MYO3B: variants seen among roughly 807,000 people sequenced by gnomAD.
The protein encoded by MYO3B is myosin-IIIb.
Under a neutral mutation model 174.6 loss-of-function variants are expected in MYO3B, and 156 were observed. The observed-to-expected ratio is 0.89, with a 90% CI of 0.78 to 1.02. The LOEUF (loss-of-function observed/expected upper bound fraction) is 1.02. Ranked by LOEUF, MYO3B falls within the 50% of genes least tolerant of loss-of-function variation. The probability of loss-of-function intolerance (pLI) is 0.00; values close to 1 mark genes in which losing one functional copy is unlikely to be tolerated. For synonymous variants in MYO3B, 563 were observed against 569.1 expected, an observed-to-expected ratio of 0.99 and a Z score of 0.15; for missense variants, 1,632 against 1,639.4, an observed-to-expected ratio of 1.00 and a Z score of 0.08.
intron 28 of MYO3B, among the ~76,000 whole-genome samples, chr2:170,507,672 C>T (rs1164518644): frequency 6.6e-6 from 1 of 152,158 alleles, no homozygotes; most frequent in Non-Finnish European, 1.5e-5. Context: ...GGATTACAGG[C>T]GTGAGCTACT....
At chr2:170,221,496 C>T (rs1472375200) in intron 6 of MYO3B, among the ~76,000 whole-genome samples, 2 of 152,058 alleles carry the variant, frequency 1.3e-5, no homozygotes, top group Non-Finnish European at 2.9e-5. Flanking sequence ...TTCACTGGGG[C>T]ACCTCAAAGC....
At chr2:170,607,278 A>T (rs1431785115) in intron 32 of MYO3B, among the ~76,000 whole-genome samples, 2 of 152,230 alleles carry the variant, frequency 1.3e-5, no homozygotes, top group East Asian at 3.9e-4. Context: ...GATAGATTAG[A>T]TTATGATGCA....
intron 3 of MYO3B, among the ~76,000 whole-genome samples, chr2:170,202,080 A>C (rs1416469617): frequency 2.6e-5 from 4 of 152,272 alleles, no homozygotes; most frequent in African/African-American, 9.6e-5. Context: ...AGTGACCCTC[A>C]GACATGGCAA....
At chr2:170,507,875 C>T (rs543946808) in intron 28 of MYO3B, among the ~76,000 whole-genome samples, 2 of 152,138 alleles carry the variant, frequency 1.3e-5, no homozygotes, top group Non-Finnish European at 2.9e-5. Context: ...ATGAGCTCTG[C>T]CAAATCTCTC....
intron 25 of MYO3B, among the ~76,000 whole-genome samples, chr2:170,473,407 A>G (rs1015776734): frequency 6.6e-6 from 1 of 151,828 alleles, no homozygotes; most frequent in Admixed American, 6.6e-5. Flanking sequence ...CGGCCTCCCA[A>G]AGTACTGGGA....
chr2:170,578,100 A>G (rs543560519), intron 32 of MYO3B, among the ~76,000 whole-genome samples: 1 of 152,222 alleles, frequency 6.6e-6, no homozygotes, highest in African/African-American at 2.4e-5. Flanking sequence ...ATACCTGCTT[A>G]TGTTTGGCTG....
rs554635047 is a variant in MYO3B, at chr2:170,208,538, A to G, written c.322-5841A>G. On this transcript the variant is annotated intron_variant, in intron 3 of 34. Coordinates refer to ENST00000408978, the MANE Select transcript of MYO3B (RefSeq NM_138995.5). ...TTGCTCAGAACTAGAATTTTGATCC[A>G]GGTTTTTACATCACCTATCCCTTTT... Among the ~76,000 whole-genome samples, 122 of 152,328 alleles carry G rather than the reference A, an allele frequency of 8.0e-4. 2 individuals are homozygous for G. Among genetic ancestry groups the G allele is most frequent in the Non-Finnish European group, 1.5e-3 (103 of 68,038 alleles).
At chr2:170,375,939 GTCTA>G (rs1244960785) in intron 9 of MYO3B, among the ~76,000 whole-genome samples, 2 of 152,042 alleles carry the variant, frequency 1.3e-5, no homozygotes, top group Non-Finnish European at 2.9e-5. Context: ...ACCTATATCT[GTCTA>G]TCTACAAATG....
intron 32 of MYO3B, chr2:170,646,883 C>A: frequency 7.5e-7 from 1 of 1,338,276 alleles, no homozygotes; most frequent in South Asian, 1.2e-5. Flanking sequence ...CGTTTTCTAA[C>A]TATATTTCTC....
At chr2:170,388,749 A>C (rs1399545642) in intron 14 of MYO3B, among the ~76,000 whole-genome samples, 3 of 152,186 alleles carry the variant, frequency 2.0e-5, no homozygotes, top group Non-Finnish European at 4.4e-5. Flanking sequence ...AGATGGAGAG[A>C]AGATGAGGAG....
intron 32 of MYO3B, among the ~76,000 whole-genome samples, chr2:170,642,502 C>T (rs1698056061): frequency 1.3e-5 from 2 of 152,138 alleles, no homozygotes; most frequent in East Asian, 1.9e-4. Context: ...GAAAATCTCT[C>T]TTTCTGGTTG....
chr2:170,244,208 TA>T (rs1322231982), intron 7 of MYO3B, among the ~76,000 whole-genome samples: 1 of 152,156 alleles, frequency 6.6e-6, no homozygotes, highest in Non-Finnish European at 1.5e-5. Context: ...TTAGCCCCCT[TA>T]GTAGGTTCAA....
chr2:170,426,480 C>T (rs2094662692), intron 22 of MYO3B, among the ~76,000 whole-genome samples: 2 of 151,494 alleles, frequency 1.3e-5, no homozygotes, highest in South Asian at 2.1e-4. Flanking sequence ...GGACTACAGG[C>T]ACCCACCACC....
chr2:170,648,802 C>T (rs114707178), intron 32 of MYO3B, among the ~76,000 whole-genome samples: 41,590 of 101,608 alleles, frequency 0.41, 9,482 homozygotes, highest in African/African-American at 0.65. Flanking sequence ...CTATATAATA[C>T]ATATTATATA....
At chr2:170,651,547 G>T in intron 32 of MYO3B, 81 bp from the exon 33 acceptor site, 1 of 1,043,024 alleles carries the variant, frequency 9.6e-7, no homozygotes, top group South Asian at 1.3e-5. Flanking sequence ...TCTACTAAGT[G>T]CATTTATGTG....
chr2:170,178,508 T>G lies in MYO3B; in HGVS notation c.2+219T>G, dbSNP rs75390945. ...TTAAATTTCTCTTGAAGGAGTAGGA[T>G]AAACACCCTCTTGAGTATTGCTTTT... On this transcript the variant is annotated intron_variant, in intron 1 of 34. Transcript: ENST00000408978. Among the ~76,000 whole-genome samples, 468 of 151,518 alleles carry G rather than the reference T, an allele frequency of 3.1e-3. 2 individuals are homozygous for G. The highest frequency in any genetic ancestry group is 0.01 in the African/African-American group (430 of 41,240).
At chr2:170,583,458 T>G (rs1575200190) in intron 32 of MYO3B, among the ~76,000 whole-genome samples, 1 of 151,856 alleles carries the variant, frequency 6.6e-6, no homozygotes, top group Admixed American at 6.6e-5. Context: ...ACGAGCTTGG[T>G]TTTTTTTGAA....
intron 28 of MYO3B, among the ~76,000 whole-genome samples, chr2:170,510,783 C>T (rs556342400): frequency 3.9e-5 from 6 of 152,158 alleles, no homozygotes; most frequent in African/African-American, 1.4e-4. Context: ...ATAGTCTTAC[C>T]TCTTCCAGAG....
chr2:170,401,602 A>G lies in MYO3B; in HGVS notation c.2040A>G (p.Arg680=), dbSNP rs2094476382. ...ANTVDRAADV[R]DAMSKALYGR... is the part of the protein sequence containing the mutation. ...CTGTAGACAGGGCTGCGGACGTTCG[A>G]GACGCCATGTCCAAAGCCCTGTATG... The change falls in exon 18 of 35, where the codon CGA becomes CGG. Residue 680 remains arginine, a synonymous_variant. Transcript: ENST00000408978. 1 of 1,613,976 alleles carries G rather than the reference A, an allele frequency of 6.2e-7. No individual in the cohort carries two copies. Among genetic ancestry groups the G allele is most frequent in the Admixed American group, 1.7e-5 (1 of 59,998 alleles).
Sources: allele counts gnomAD v4.1 joint callset (sites outside exome capture counted in the v4.1 genomes callset), GRCh38; gene constraint gnomAD v4.1.1; transcripts MANE v1.5; gene names NCBI Gene and HGNC (gene_info 2026-07-23, HGNC 2026-07-21).